The following RALGDS variants were observed in gnomAD, a reference collection of about 807,000 sequenced individuals.
The protein encoded by RALGDS is ral guanine nucleotide exchange factor.
RALGDS carries 44 observed loss-of-function variants against 99.8 expected under a neutral mutation model. The observed-to-expected ratio is 0.44, with a 90% CI of 0.35 to 0.57. The LOEUF is 0.57. Ranked by LOEUF, RALGDS falls within the 20% of genes least tolerant of loss-of-function variation. The pLI, the probability that RALGDS is intolerant of heterozygous loss-of-function variation, is 0.01. For synonymous variants in RALGDS, 529 were observed against 505.0 expected, an observed-to-expected ratio of 1.05 and a Z score of -0.64; for missense variants, 1,022 against 1,203.1, an observed-to-expected ratio of 0.85 and a Z score of 2.23.
chr9:133,109,568 ACT>A, intron 4 of RALGDS, 56 bp downstream of exon 4: 1 of 1,466,662 alleles, frequency 6.8e-7, no homozygotes, highest in Non-Finnish European at 9.6e-7. Flanking sequence ...AGCCCCATGT[ACT>A]CTCCCACTGT....
In RALGDS at chr9:133,109,649, A is replaced by G. The variant is rs751387951; in HGVS notation, c.561T>C (p.Gly187=). ...ACTTTTTAAGTTGGTCCTGGGGTCC[A>G]CCATCCTCGTCGGAATAGGGGAGGA... ...GCILPYSDED[G]GPQDQLKNAI... Residue 187 remains glycine (G), a synonymous_variant, in exon 4 of 18, where the codon GGT becomes GGC. Coordinates refer to ENST00000372050, the MANE Select transcript of RALGDS (RefSeq NM_006266.4). The G allele has an allele frequency of 3.7e-6, 6 of 1,613,820 alleles. No homozygotes were observed. The highest frequency in any genetic ancestry group is 4.5e-5 in the East Asian group (2 of 44,870).
intron 3 of RALGDS, 93 bp downstream of exon 3, chr9:133,110,203 G>A (rs1392765092): frequency 5.4e-6 from 7 of 1,297,742 alleles, no homozygotes; most frequent in Non-Finnish European, 7.7e-6. Flanking sequence ...GCGAGGCTCA[G>A]AGAGGTGAAT....
chr9:133,098,747 T>C lies in RALGDS; in HGVS notation c.2585A>G (p.Glu862Gly). ...LSDDRKLKIP[E>G]NANVFYAMNS... The stretch of plus-strand genomic sequence containing the variant: ...CATGGCATAGAAGACGTTGGCGTTT[T>C]CAGGGATCTTCAGCTCTGGTGGGGA... Residue 862 changes from glutamate to glycine, a missense_variant, in exon 18 of 18, where the codon GAA becomes GGA. Physicochemically the swap from Glu to Gly is moderately conservative, Grantham distance 98. This residue lies in a region of RALGDS where 825 missense variants were observed against 994.5 expected (regional missense o/e 0.83). Transcript: ENST00000372050. 1 of 1,614,028 alleles carries C rather than the reference T, an allele frequency of 6.2e-7. No individual in the cohort carries two copies. The highest frequency in any genetic ancestry group is 2.2e-5 in the East Asian group (1 of 44,856).
At chr9:133,130,281 T>G (rs1452622284) in intron 1 of RALGDS, among the ~76,000 whole-genome samples, 1 of 152,116 alleles carries the variant, frequency 6.6e-6, no homozygotes, top group Non-Finnish European at 1.5e-5. Flanking sequence ...CTTGGCTAAT[T>G]TTTTTGTATT....
intron 14 of RALGDS, 86 bp downstream of exon 14, chr9:133,102,390 C>A (rs1351215692): frequency 2.8e-5 from 40 of 1,441,536 alleles, no homozygotes; most frequent in Non-Finnish European, 3.8e-5. Flanking sequence ...CAGGGCCAGC[C>A]TCCCTGACTC....
chr9:133,109,025 G>A (rs760994311), intron 4 of RALGDS, among the ~76,000 whole-genome samples, 159 bp from the exon 5 acceptor site: 20 of 151,946 alleles, frequency 1.3e-4, no homozygotes, highest in Non-Finnish European at 2.4e-4. Context: ...GGTCAGTGGC[G>A]AACACCTCTC....
intron 8 of RALGDS, 47 bp downstream of exon 8, chr9:133,106,598 G>A: frequency 7.1e-7 from 1 of 1,418,246 alleles, no homozygotes; most frequent in Non-Finnish European, 9.8e-7. Flanking sequence ...TGCCAGCCCT[G>A]TGGGAGGTCC....
upstream of RALGDS, among the ~76,000 whole-genome samples, chr9:133,135,321 C>A (rs533486237): frequency 1.3e-5 from 2 of 152,334 alleles, no homozygotes; most frequent in African/African-American, 4.8e-5. Context: ...TGGCACCACC[C>A]CAGGCAGGAC....
At chr9:133,100,672 T>C (rs1375349909) in intron 16 of RALGDS, 4 of 1,297,168 alleles carry the variant, frequency 3.1e-6, no homozygotes, top group Non-Finnish European at 4.0e-6. Context: ...CCACACTTCC[T>C]TGAGAAGCAC....
At chr9:133,142,759 G>A (rs913594760) in intron 1 of RALGDS, among the ~76,000 whole-genome samples, 1 of 152,216 alleles carries the variant, frequency 6.6e-6, no homozygotes, top group African/African-American at 2.4e-5. Context: ...GGGCTCATTA[G>A]CTCTGTTTAT....
chr9:133,103,948 GCCCACTGTCTCCCTGGAC>G, intron 10 of RALGDS, 115 bp from the exon 11 acceptor site: 1 of 1,013,188 alleles, frequency 9.9e-7, no homozygotes, highest in Non-Finnish European at 1.5e-6. Context: ...GCCTCCTGGG[GCCCACTGTCTCCCTGGAC>G]CCCAGACTCC....
chr9:133,133,758 G>A (rs1832382089), upstream of RALGDS, among the ~76,000 whole-genome samples: 1 of 152,226 alleles, frequency 6.6e-6, no homozygotes, highest in Non-Finnish European at 1.5e-5. Context: ...TGCCCAGCAC[G>A]CCGGGTGGCC....
intron 2 of RALGDS, among the ~76,000 whole-genome samples, chr9:133,111,053 G>C (rs78370976): frequency 6.6e-6 from 1 of 152,316 alleles, no homozygotes; most frequent in African/African-American, 2.4e-5. Flanking sequence ...GGGTGACAGA[G>C]TGAGACCCTG....
intron 6 of RALGDS, 108 bp from the exon 7 acceptor site, chr9:133,107,408 C>T (rs906618976): frequency 3.4e-5 from 35 of 1,025,474 alleles, no homozygotes; most frequent in African/African-American, 1.3e-4. Context: ...GGTTTTATCC[C>T]GTGTCCATGC....
chr9:133,102,198 G>T (rs1830790234), intron 14 of RALGDS, 59 bp from the exon 15 acceptor site: 1 of 1,508,652 alleles, frequency 6.6e-7, no homozygotes, highest in Admixed American at 2.0e-5. Context: ...CAACCCCACA[G>T]CCCCTGCACC....
In RALGDS at chr9:133,108,377, T is replaced by G; in HGVS notation, c.808A>C (p.Thr270Pro). 8 of 1,536,924 alleles carry G rather than the reference T, an allele frequency of 5.2e-6. No homozygotes were observed. The highest frequency in any genetic ancestry group is 7.0e-6 in the Non-Finnish European group (8 of 1,146,734). The stretch of plus-strand genomic sequence containing the variant: ...GTTAGAGCTAGCTCGAGCTCTGGAG[T>G]TGGTTTTAGAGCTGGCACTGGTGAC... ...ALSPVPALKP[T>P]PELELALTPA... The change falls in exon 6 of 18, where the codon ACT (threonine) becomes CCT (proline). Residue 270 changes from threonine to proline, a missense_variant. By Grantham distance (38) the Thr-to-Pro change is conservative. Around this residue, in one of 3 missense-constraint regions of RALGDS, gnomAD observed 825 missense variants for 994.5 expected, o/e 0.83. Transcript: ENST00000372050.
intron 1 of RALGDS, chr9:133,130,839 T>G: frequency 3.8e-6 from 4 of 1,041,664 alleles, no homozygotes; most frequent in Non-Finnish European, 5.5e-6. Context: ...CTGCAAAGCT[T>G]GCAGACGCTC....
At chr9:133,100,970 A>C in intron 16 of RALGDS, 1 of 1,047,678 alleles carries the variant, frequency 9.5e-7, no homozygotes, top group Non-Finnish European at 1.2e-6. Flanking sequence ...TGGGGGTTAC[A>C]AATGGTTCAT....
intron 1 of RALGDS, among the ~76,000 whole-genome samples, chr9:133,113,142 G>A (rs115385348): frequency 1.3e-5 from 2 of 152,146 alleles, no homozygotes; most frequent in Non-Finnish European, 2.9e-5. Flanking sequence ...TAGAGGAGCC[G>A]GGGGGTTAAG....
Sources: gnomAD v4.1 joint callset for allele counts (sites outside exome capture counted in the v4.1 genomes callset) on GRCh38, gnomAD v4.1.1 for gene constraint, gnomAD v4.1.1 regional missense constraint, MANE v1.5 for transcripts, NCBI Gene and HGNC (gene_info 2026-07-23, HGNC 2026-07-21) for gene names.